The following ABCF1 variants were observed in gnomAD, a reference collection of about 807,000 sequenced individuals.
ABCF1 encodes the protein ATP binding cassette subfamily F member 1.
In ABCF1, 73 loss-of-function variants were observed where a neutral mutation model predicts 126.3. The observed-to-expected ratio is 0.58, with a 90% CI of 0.48 to 0.70. The LOEUF is 0.70. Among genes scored for constraint, ABCF1 ranks in the 30% least tolerant of loss-of-function variants. ABCF1 has a pLI of 0.00. For synonymous variants in ABCF1, 345 were observed against 396.4 expected (o/e 0.87, Z 1.54); for missense variants, 786 against 1,057.5 (o/e 0.74, Z 3.56).
In ABCF1 at chr6:30,586,834, A is replaced by T; in HGVS notation, c.2031+123A>T. 1 of 1,080,356 alleles carries T rather than the reference A, an allele frequency of 9.3e-7. No individual in the cohort carries two copies. The highest frequency in any genetic ancestry group is 1.4e-6 in the Non-Finnish European group (1 of 734,402). 66.9% of individuals were successfully genotyped at this position (1,080,356 alleles called of 1,614,324 possible). On this transcript the variant is annotated intron_variant, in intron 20 of 24. Transcript: ENST00000326195. This position sits in a 1 kb window ranked among gnomAD's most constrained non-coding sequence, Gnocchi z 4.9. ...TTAAATACAGAACTCATGATAGATG[A>T]TTCATTTCCCTAAGAGGGGCAGTAG...
chr6:30,585,248 C>T lies in ABCF1; in HGVS notation c.1392-12C>T. On this transcript the variant is annotated splice_polypyrimidine_tract_variant and intron_variant, in intron 14 of 24. Coordinates refer to ENST00000326195, the MANE Select transcript of ABCF1 (RefSeq NM_001025091.2). ...CTCTCCCTGACCCTGCCCTCTGCTA[C>T]CCACCCTCTAGGGCACTGTTCATGG... 6.2e-7 allele frequency: 1 copy of T among 1,611,942 alleles called. No homozygotes were observed. Among genetic ancestry groups the T allele is most frequent in the Non-Finnish European group, 8.5e-7 (1 of 1,178,780 alleles).
At chr6:30,573,252 A>G (rs1167585266) in intron 1 of ABCF1, among the ~76,000 whole-genome samples, 1 of 152,228 alleles carries the variant, frequency 6.6e-6, no homozygotes, top group Non-Finnish European at 1.5e-5. Flanking sequence ...GGGAGAAGTA[A>G]GGTTGACACT....
chr6:30,577,965 A>C, intron 3 of ABCF1, 52 bp downstream of exon 3: 1 of 1,613,116 alleles, frequency 6.2e-7, no homozygotes, highest in Non-Finnish European at 8.5e-7. Flanking sequence ...GGTTCCACCA[A>C]CCCCTTTCCA....
intron 24 of ABCF1, 67 bp downstream of exon 24, chr6:30,590,445 C>A: frequency 6.4e-7 from 1 of 1,574,312 alleles, no homozygotes. Context: ...TCCTTCACTA[C>A]AGAAGGGCCT....
Position 30,583,473 on chromosome 6 carries a change from A to G in ABCF1, c.916-135A>G. On this transcript the variant is annotated intron_variant, in intron 10 of 24. Coordinates refer to ENST00000326195, the MANE Select transcript of ABCF1 (RefSeq NM_001025091.2). This position sits in a 1 kb window ranked among gnomAD's most constrained non-coding sequence, Gnocchi z 4.1. Reference sequence around the variant, plus strand: ...CAGGGCGGGGACCGGCTGTGGGGAGAGGAAGGGGATTATGCTGGAGGTAGC... The same window carrying G: ...CAGGGCGGGGACCGGCTGTGGGGAGGGGAAGGGGATTATGCTGGAGGTAGC... 3.0e-6 allele frequency: 3 copies of G among 983,834 alleles called. No individual in the cohort carries two copies. The highest frequency in any genetic ancestry group is 2.9e-5 in the South Asian group (2 of 67,916). The allele number at this position is 983,834 out of a possible 1,614,324, so 60.9% of individuals were successfully genotyped here.
rs1278168409 is a variant in ABCF1, at chr6:30,574,291, TTTTG to T, written c.73+2739_73+2742del. On this transcript the variant is annotated intron_variant, in intron 1 of 24. Coordinates refer to ENST00000326195, the MANE Select transcript of ABCF1 (RefSeq NM_001025091.2). This position sits in a 1 kb window ranked among gnomAD's most constrained non-coding sequence, Gnocchi z 4.3. ...CACACACCGCCATGCCTGGCTTATT[TTTTG>T]TTTGTTTTTGTTTTTTGTTTTCTGT... Among the ~76,000 whole-genome samples, 2 of 152,058 alleles carry T rather than the reference TTTTG, an allele frequency of 1.3e-5. No individual in the cohort carries two copies. The highest frequency in any genetic ancestry group is 2.9e-5 in the Non-Finnish European group (2 of 67,996).
At position 30,583,493 on chromosome 6, in the gene ABCF1, G is replaced by C; in HGVS notation, c.916-115G>C. 1 of 1,112,484 alleles carries C rather than the reference G, an allele frequency of 9.0e-7. No individual in the cohort carries two copies. The highest frequency in any genetic ancestry group is 1.3e-6 in the Non-Finnish European group (1 of 745,012). 68.9% of individuals were successfully genotyped at this position (1,112,484 alleles called of 1,614,324 possible). A position where few individuals can be genotyped will look rare whatever the true frequency, so the allele number is the denominator to read the frequency against. ...GGGAGAGGAAGGGGATTATGCTGGAGGTAGCGGTTTGTCAGAGGCTTCCCT... is the reference window on the plus strand; with the variant it reads ...GGGAGAGGAAGGGGATTATGCTGGACGTAGCGGTTTGTCAGAGGCTTCCCT... On this transcript the variant is annotated intron_variant, in intron 10 of 24. Coordinates refer to ENST00000326195, the MANE Select transcript of ABCF1 (RefSeq NM_001025091.2). This position sits in a 1 kb window ranked among gnomAD's most constrained non-coding sequence, Gnocchi z 4.1.
chr6:30,578,572 A>G lies in ABCF1; in HGVS notation c.484A>G (p.Asn162Asp). 2 of 1,613,600 alleles carry G rather than the reference A, an allele frequency of 1.2e-6. No individual in the cohort carries two copies. The highest frequency in any genetic ancestry group is 2.2e-5 in the South Asian group (2 of 91,024). The part of the protein sequence containing the change: ...KPAKPEKNRI[N>D]KAVSEEQQPA... ...TGCCAAGCCGGAGAAGAATCGGATC[A>G]ATAAGGTGACAGTGGTGGCTCGATC... Residue 162 changes from asparagine to aspartate, a missense_variant, in exon 6 of 25, where the codon AAT (asparagine) becomes GAT (aspartate). Physicochemically the swap from Asn to Asp is conservative, Grantham distance 23. Transcript: ENST00000326195.
chr6:30,588,722 G>A (rs1158314491), intron 20 of ABCF1, among the ~76,000 whole-genome samples: 1 of 151,942 alleles, frequency 6.6e-6, no homozygotes, highest in Non-Finnish European at 1.5e-5. Flanking sequence ...AAAGTTTGTA[G>A]CCATTTCTGC....
In ABCF1 at chr6:30,590,688, G is replaced by A. The variant is rs375225504; in HGVS notation, c.2525G>A (p.Arg842Gln). 62 of 1,543,962 alleles carry A rather than the reference G, an allele frequency of 4.0e-5. No homozygotes were observed. The highest frequency in any genetic ancestry group is 2.6e-4 in the African/African-American group (14 of 53,764). The change falls in exon 25 of 25, where the codon CGG becomes CAG. Residue 842 changes from arginine (R) to glutamine (Q), a missense_variant. Around this residue, in one of 4 missense-constraint regions of ABCF1, gnomAD observed 288 missense variants for 423.5 expected, o/e 0.68. Transcript: ENST00000326195. ...GCCCTGGGTGAAGTCATGGTCAGCC[G>A]GCCCCGAGAGTGAGCTTTCCTTCCC... is the stretch of plus-strand genomic sequence containing the variant. Reference protein sequence around the residue: ...LEALGEVMVSRPRE With the variant: ...LEALGEVMVSQPRE
At chr6:30,589,448 A>T (rs868118896) in intron 20 of ABCF1, 9 of 573,636 alleles carry the variant, frequency 1.6e-5, no homozygotes, top group African/African-American at 1.3e-4. Flanking sequence ...CTAAAAATAC[A>T]AAAAATTAGC....
chr6:30,591,107 G>A lies in ABCF1; in HGVS notation c.*406G>A. 5.6e-6 allele frequency: 1 copy of A among 177,686 alleles called. No homozygotes were observed. Among genetic ancestry groups the A allele is most frequent in the East Asian group, 1.5e-4 (1 of 6,724 alleles). The allele number at this position is 177,686 out of a possible 1,614,324, so 11.0% of individuals were successfully genotyped here. A position where few individuals can be genotyped will look rare whatever the true frequency, so the allele number is the denominator to read the frequency against. Reference sequence around the variant, plus strand: ...CTTTGGGTGGTGCTGTTCTTTTCTGGTGGATTTAATGCTGACTCACTGGTA... The same window carrying A: ...CTTTGGGTGGTGCTGTTCTTTTCTGATGGATTTAATGCTGACTCACTGGTA... On this transcript the variant is annotated 3_prime_UTR_variant, in exon 25 of 25. Coordinates refer to ENST00000326195, the MANE Select transcript of ABCF1 (RefSeq NM_001025091.2).
intron 4 of ABCF1, 47 bp from the exon 5 acceptor site, chr6:30,578,301 G>C: frequency 1.2e-6 from 2 of 1,613,898 alleles, no homozygotes; most frequent in Non-Finnish European, 1.7e-6. Context: ...TGGGGGGCCA[G>C]ACATTGTAAT....
At chr6:30,577,579 C>T in intron 2 of ABCF1, 124 bp downstream of exon 2, 1 of 1,245,328 alleles carries the variant, frequency 8.0e-7, no homozygotes, top group Non-Finnish European at 1.1e-6. Context: ...AGGAGATAGG[C>T]AGGGCACGGT....
rs1561794802 is a variant in ABCF1, at chr6:30,584,030, A to C, written c.1102+140A>C. Reference sequence around the variant, plus strand: ...ACTGGAGACCGGGAAAGGGATGCTAAGGAAAGGAGGGGAGGGTCAATGAGG... The same window carrying C: ...ACTGGAGACCGGGAAAGGGATGCTACGGAAAGGAGGGGAGGGTCAATGAGG... On this transcript the variant is annotated intron_variant, in intron 12 of 24. Transcript: ENST00000326195. The surrounding 1 kb of genome is among the most constrained non-coding windows in gnomAD (Gnocchi z 4.6). 1.4e-6 allele frequency: 2 copies of C among 1,385,940 alleles called. No individual in the cohort carries two copies. The highest frequency in any genetic ancestry group is 2.0e-6 in the Non-Finnish European group (2 of 1,007,590). The allele number at this position is 1,385,940 out of a possible 1,614,324, so 85.9% of individuals were successfully genotyped here. A position where few individuals can be genotyped will look rare whatever the true frequency, so the allele number is the denominator to read the frequency against.
At position 30,591,326 on chromosome 6, in the gene ABCF1, G is replaced by A. The variant is rs1802444427; in HGVS notation, c.*625G>A. 1 of 152,250 alleles carries A rather than the reference G, an allele frequency of 6.6e-6. No individual in the cohort carries two copies. 9.4% of individuals were successfully genotyped at this position (152,250 alleles called of 1,614,324 possible). A position where few individuals can be genotyped will look rare whatever the true frequency, so the allele number is the denominator to read the frequency against. ...AGTTGCTGCCGACCTGTCACTGTTT[G>A]GAGATTGATGGGAGTTGGAACTGTT... On this transcript the variant is annotated 3_prime_UTR_variant, in exon 25 of 25. Coordinates refer to ENST00000326195, the MANE Select transcript of ABCF1 (RefSeq NM_001025091.2).
chr6:30,590,300 A>C lies in ABCF1; in HGVS notation c.2299-6A>C, dbSNP rs751905927. ...AGTGCTCAGTCATGGAATTCCTCCT[A>C]TGTAGGACGAGCCAACCAATAACCT... On this transcript the variant is annotated splice_polypyrimidine_tract_variant and splice_region_variant and intron_variant, in intron 23 of 24. Coordinates refer to ENST00000326195, the MANE Select transcript of ABCF1 (RefSeq NM_001025091.2). 8.1e-6 allele frequency: 13 copies of C among 1,611,900 alleles called. 1 individual carries two copies. In the South Asian group the frequency reaches 1.3e-4, roughly 16 times the overall value.
intron 3 of ABCF1, 32 bp downstream of exon 3, chr6:30,577,945 G>A: frequency 6.2e-7 from 1 of 1,613,372 alleles, no homozygotes; most frequent in Non-Finnish European, 8.5e-7. Flanking sequence ...CCAATCCTGG[G>A]AGGCATCTGG....
Position 30,571,475 on chromosome 6 carries a change from A to G in ABCF1, c.-13A>G. ...CACCGGGCGCCGCCACAGTAGCTGT[A>G]ACTGCCACCGCGATGCCGAAGGCGC... On this transcript the variant is annotated 5_prime_UTR_variant, in exon 1 of 25. Coordinates refer to ENST00000326195, the MANE Select transcript of ABCF1 (RefSeq NM_001025091.2). 1.9e-6 allele frequency: 3 copies of G among 1,607,516 alleles called. No homozygotes were observed. The highest frequency in any genetic ancestry group is 2.5e-6 in the Non-Finnish European group (3 of 1,177,904).
Sources: gnomAD v4.1 joint callset for allele counts (sites outside exome capture counted in the v4.1 genomes callset) on GRCh38, gnomAD v4.1.1 for gene constraint, gnomAD v4.1.1 regional missense constraint, Gnocchi (gnomAD v3.1) non-coding constraint, MANE v1.5 for transcripts, NCBI Gene and HGNC (gene_info 2026-07-23, HGNC 2026-07-21) for gene names.